DNPEP: variants seen among roughly 807,000 people sequenced by gnomAD.
DNPEP encodes the protein aspartyl aminopeptidase.
In DNPEP, 46 loss-of-function variants were observed where a neutral mutation model predicts 59.1. That is an observed-to-expected ratio of 0.78 (90% CI 0.61 to 0.99). DNPEP has a LOEUF of 0.99. Among genes scored for constraint, DNPEP ranks in the 50% least tolerant of loss-of-function variants. The pLI, the probability that DNPEP is intolerant of heterozygous loss-of-function variation, is 0.00. For missense variants in DNPEP, 617 were observed against 649.9 expected (o/e 0.95, Z 0.55); for synonymous variants, 229 against 242.2 (o/e 0.95, Z 0.50).
upstream of DNPEP, chr2:219,389,068 G>T (rs1275136566): frequency 1.2e-5 from 2 of 164,022 alleles, no homozygotes; most frequent in African/African-American, 4.8e-5. Context: ...ATGTTACACG[G>T]GAGGTCCACA....
upstream of DNPEP, chr2:219,388,008 C>T (rs1392380606): frequency 8.5e-7 from 1 of 1,180,978 alleles, no homozygotes; most frequent in Non-Finnish European, 1.1e-6. Flanking sequence ...CCCCGCCCCT[C>T]GGCGGGCTTA....
chr2:219,395,551 G>T (rs575891927), intron 1 of DNPEP, among the ~76,000 whole-genome samples: 1 of 152,324 alleles, frequency 6.6e-6, no homozygotes. Context: ...GCCATTCAGG[G>T]TCATTCTCAG....
At chr2:219,384,287 C>A in intron 9 of DNPEP, 79 bp downstream of exon 9, 2 of 1,396,154 alleles carry the variant, frequency 1.4e-6, no homozygotes, top group Middle Eastern at 1.9e-4. Context: ...CCTGCTGGGG[C>A]TTTAGGCAGC....
intron 1 of DNPEP, among the ~76,000 whole-genome samples, chr2:219,397,357 T>TTTTAG (rs1954116443): frequency 6.6e-6 from 1 of 151,972 alleles, no homozygotes; most frequent in Admixed American, 6.6e-5. Flanking sequence ...GCTAATTGGT[T>TTTTAG]TTTTGTTTTG....
rs1953213672 is a variant in DNPEP, at chr2:219,372,227, A to T, written c.*2065T>A. Among the ~76,000 whole-genome samples the T allele has an allele frequency of 6.6e-6, 1 of 152,208 alleles. No individual in the cohort carries two copies. The highest frequency in any genetic ancestry group is 2.1e-4 in the South Asian group (1 of 4,830). On this transcript the variant is annotated 3_prime_UTR_variant, in exon 15 of 15. Coordinates refer to ENST00000273075, the MANE Select transcript of DNPEP (RefSeq NM_012100.4). ...TACATGGTACATTCTGTTATACAAA[A>T]GGAAACCATTACAAAAAGGCTAAGG...
At chr2:219,399,902 CATG>C (rs923087449) in intron 1 of DNPEP, 4 of 1,550,472 alleles carry the variant, frequency 2.6e-6, no homozygotes, top group African/African-American at 2.7e-5. Flanking sequence ...TGGGGACGAA[CATG>C]ATGGAGAGGC....
intron 13 of DNPEP, among the ~76,000 whole-genome samples, 174 bp downstream of exon 13, chr2:219,381,161 C>T (rs1412299951): frequency 6.6e-6 from 1 of 152,246 alleles, no homozygotes; most frequent in Non-Finnish European, 1.5e-5. Flanking sequence ...GCTAGCACTG[C>T]AGCAGAGCCA....
At chr2:219,386,508 T>C in intron 4 of DNPEP, 97 bp from the exon 5 acceptor site, 1 of 1,552,774 alleles carries the variant, frequency 6.4e-7, no homozygotes. Context: ...AATATTAGTG[T>C]CACATGAAAG....
At chr2:219,376,413 G>A (rs958146267) in intron 13 of DNPEP, among the ~76,000 whole-genome samples, 5 of 151,604 alleles carry the variant, frequency 3.3e-5, no homozygotes, top group African/African-American at 1.2e-4. Context: ...TCTTGCACCT[G>A]TGGGGAGGAG....
chr2:219,385,744 G>C, intron 6 of DNPEP, 38 bp from the exon 7 acceptor site: 2 of 1,550,544 alleles, frequency 1.3e-6, no homozygotes, highest in South Asian at 1.2e-5. Flanking sequence ...ATTGCGAGGA[G>C]GGCACAGCTG....
At chr2:219,399,261 T>C (rs12994406) in intron 1 of DNPEP, among the ~76,000 whole-genome samples, 5,528 of 152,348 alleles carry the variant, frequency 0.036, 154 homozygotes, top group South Asian at 0.062. Context: ...TTATGAATCA[T>C]GGCTTTTCAT....
At chr2:219,399,859 C>G in intron 1 of DNPEP, 4 of 1,550,138 alleles carry the variant, frequency 2.6e-6, no homozygotes, top group Non-Finnish European at 3.5e-6. Context: ...AGACAGGCCC[C>G]GGTTACCTTG....
rs754619594 is a variant in DNPEP at position 219,386,095 on chromosome 2, G to A, written c.463C>T (p.Pro155Ser). The A allele has an allele frequency of 2.2e-5, 36 of 1,613,888 alleles. No individual in the cohort carries two copies. Among genetic ancestry groups the A allele is most frequent in the Admixed American group, 5.0e-5 (3 of 59,984 alleles). The change falls in exon 6 of 15, where the codon CCT (proline) becomes TCT (serine). Residue 155 changes from proline (P) to serine (S), a missense_variant. Transcript: ENST00000273075. ...TGCTGCTCCAGCCGACCTGAGGTAG[G>A]GCACTGCAGCCAGCCAGGCCAGGTC... ...TLAGRVIVKCPTSGRLEQQLV... is the reference protein window; with the variant it reads ...TLAGRVIVKCSTSGRLEQQLV...
intron 10 of DNPEP, 127 bp downstream of exon 10, chr2:219,383,004 G>A: frequency 1.4e-6 from 1 of 694,104 alleles, no homozygotes; most frequent in Middle Eastern, 3.8e-4. Flanking sequence ...GTGCTAAGGA[G>A]GCACAGGCAG....
upstream of DNPEP, chr2:219,387,915 C>T (rs1013684991): frequency 1.5e-6 from 2 of 1,378,038 alleles, no homozygotes; most frequent in Non-Finnish European, 1.9e-6. Flanking sequence ...CACGCTTCCC[C>T]GGCCGCGCCG....
intron 13 of DNPEP, among the ~76,000 whole-genome samples, chr2:219,381,003 G>C (rs992780348): frequency 6.6e-6 from 1 of 152,166 alleles, no homozygotes; most frequent in Admixed American, 6.5e-5. Flanking sequence ...GGGTGCTGCA[G>C]GGAAAGACAG....
chr2:219,385,673 C>T lies in DNPEP; in HGVS notation c.624G>A (p.Glu208=). 1 of 1,609,874 alleles carries T rather than the reference C, an allele frequency of 6.2e-7. No individual in the cohort carries two copies. Residue 208 remains glutamate (E), a synonymous_variant, in exon 7 of 15, where the codon GAG becomes GAA. Transcript: ENST00000273075. ...VPILATAIQE[E]LEKGTPEPGP... is the part of the protein sequence containing the mutation. ...CTGGCTCAGGAGTCCCCTTCTCCAGCTCCTCCTGGATGGCTGTGGCAAGAA... is the reference window on the plus strand; with the variant it reads ...CTGGCTCAGGAGTCCCCTTCTCCAGTTCCTCCTGGATGGCTGTGGCAAGAA...
rs1191613766 is a variant in DNPEP, at chr2:219,399,899, G to A, written c.-158+41C>T. ...AGCCATTGAGCCAGCTGTTGGGGAC[G>A]AACATGATGGAGAGGCTCCGAGCCA... On this transcript the variant is annotated intron_variant, in intron 1 of 6. Transcript: ENST00000434339. 26 of 1,550,540 alleles carry A rather than the reference G, an allele frequency of 1.7e-5. No individual in the cohort carries two copies. The East Asian group carries it at 3.7e-4, about 22-fold the overall frequency.
At chr2:219,391,800 G>A (rs531745733), upstream of DNPEP, among the ~76,000 whole-genome samples, 2 of 150,950 alleles carry the variant, frequency 1.3e-5, no homozygotes, top group South Asian at 4.2e-4. Context: ...ATCAGCATCT[G>A]CATGTTAACA....
Sources: allele counts gnomAD v4.1 joint callset (sites outside exome capture counted in the v4.1 genomes callset), GRCh38; gene constraint gnomAD v4.1.1; transcripts MANE v1.5; gene names NCBI Gene and HGNC (gene_info 2026-07-23, HGNC 2026-07-21).